SLC14A2: variants seen among roughly 807,000 people sequenced by gnomAD.
SLC14A2 encodes the protein urea transporter 2.
Under a neutral mutation model 104.6 loss-of-function variants are expected in SLC14A2, and 91 were observed. That is an observed-to-expected ratio of 0.87 (90% CI 0.73 to 1.04). The LOEUF (loss-of-function observed/expected upper bound fraction) is 1.04. Among genes scored for constraint, SLC14A2 ranks in the 50% least tolerant of loss-of-function variants. The pLI is 0.00. For synonymous variants in SLC14A2, 476 were observed against 466.4 expected (o/e 1.02, Z -0.27); for missense variants, 1,189 against 1,156.0 (o/e 1.03, Z -0.41).
chr18:45,403,986 A>G (rs2086125385), intron 1 of SLC14A2, among the ~76,000 whole-genome samples: 3 of 152,328 alleles, frequency 2.0e-5, no homozygotes, highest in South Asian at 4.1e-4. Context: ...TGCAGCTTTC[A>G]GAATACCTAA....
At chr18:45,190,504 A>T in the SLC14A2 span, among the ~76,000 whole-genome samples, 1 of 152,182 alleles carries the variant, frequency 6.6e-6, no homozygotes, top group African/African-American at 2.4e-5. Flanking sequence ...GATGTCCTAG[A>T]TGATGAGTGT....
At chr18:45,396,227 CTTAT>C (rs1352760788) in intron 1 of SLC14A2, among the ~76,000 whole-genome samples, 1 of 152,166 alleles carries the variant, frequency 6.6e-6, no homozygotes, top group African/African-American at 2.4e-5. Flanking sequence ...TATACTGAGA[CTTAT>C]TTGTCATCCA....
intron 2 of SLC14A2, among the ~76,000 whole-genome samples, chr18:45,607,605 AAGGTGTGACAAATTGCCCC>A (rs1454762834): frequency 8.5e-5 from 13 of 152,346 alleles, no homozygotes; most frequent in South Asian, 2.1e-4. Context: ...ATTATCTATC[AAGGTGTGACAAATTGCCCC>A]AGGTGTGACA....
intron 2 of SLC14A2, among the ~76,000 whole-genome samples, chr18:45,568,073 C>A (rs906289434): frequency 6.6e-6 from 1 of 152,174 alleles, no homozygotes; most frequent in Non-Finnish European, 1.5e-5. Context: ...CATGAAAGTG[C>A]CCAGCTCCCA....
At chr18:45,225,561 G>A (rs1188012475) in intron 1 of SLC14A2, among the ~76,000 whole-genome samples, 1 of 152,154 alleles carries the variant, frequency 6.6e-6, no homozygotes, top group Non-Finnish European at 1.5e-5. Flanking sequence ...GGATGGCATT[G>A]AATCTATAAA....
At chr18:45,434,567 C>G (rs1038220603) in intron 1 of SLC14A2, among the ~76,000 whole-genome samples, 4 of 152,130 alleles carry the variant, frequency 2.6e-5, no homozygotes, top group Non-Finnish European at 5.9e-5. Flanking sequence ...CTGCACAGAA[C>G]CAAGAGCAGG....
intron 9 of SLC14A2, 32 bp downstream of exon 9, chr18:45,643,213 A>G: frequency 6.3e-7 from 1 of 1,598,062 alleles, no homozygotes; most frequent in African/African-American, 1.3e-5. Flanking sequence ...CACTACCCCA[A>G]AGTGCTCTTC....
At chr18:45,477,639 C>CTATAAGTTTTAT (rs1598884517) in intron 1 of SLC14A2, among the ~76,000 whole-genome samples, 1 of 152,182 alleles carries the variant, frequency 6.6e-6, no homozygotes, top group East Asian at 1.9e-4. Flanking sequence ...TATCTATAAG[C>CTATAAGTTTTAT]CCATGACTGG....
chr18:45,555,012 G>A (rs1469288983), intron 2 of SLC14A2, among the ~76,000 whole-genome samples: 2 of 152,236 alleles, frequency 1.3e-5, no homozygotes, highest in Admixed American at 6.5e-5. Flanking sequence ...AACTGCAAAT[G>A]TACCTGTTGC....
intron 4 of SLC14A2, among the ~76,000 whole-genome samples, chr18:45,628,496 C>T (rs372827388): frequency 1.3e-5 from 2 of 151,842 alleles, no homozygotes; most frequent in Admixed American, 6.6e-5. Context: ...CCACTCCTCC[C>T]CCTTCCTCTC....
intron 2 of SLC14A2, among the ~76,000 whole-genome samples, chr18:45,504,653 T>C (rs2043253866): frequency 6.6e-6 from 1 of 152,220 alleles, no homozygotes; most frequent in Non-Finnish European, 1.5e-5. Flanking sequence ...CATAAAAATA[T>C]TTGAGTTACA....
In SLC14A2 at chr18:45,644,168, G is replaced by A; in HGVS notation, c.1351+8G>A. 1 of 1,613,838 alleles carries A rather than the reference G, an allele frequency of 6.2e-7. No homozygotes were observed. The highest frequency in any genetic ancestry group is 8.5e-7 in the Non-Finnish European group (1 of 1,179,746). ...AAGAGAAGGCCCCCAGCGGTGAATA[G>A]CCATGTTCGGGGAAGAAACGCTCTT... is the stretch of plus-strand genomic sequence containing the variant. On this transcript the variant is annotated splice_region_variant and intron_variant, in intron 10 of 19. Coordinates refer to ENST00000255226, the MANE Select transcript of SLC14A2 (RefSeq NM_007163.4).
chr18:45,169,664 C>A, the SLC14A2 span, among the ~76,000 whole-genome samples: 6 of 152,216 alleles, frequency 3.9e-5, no homozygotes, highest in Non-Finnish European at 5.9e-5. Flanking sequence ...CATACTTAAT[C>A]TGTAACCCTG....
chr18:45,234,144 C>A (rs572612723), intron 1 of SLC14A2, among the ~76,000 whole-genome samples: 9 of 151,988 alleles, frequency 5.9e-5, no homozygotes, highest in African/African-American at 2.2e-4. Flanking sequence ...CTTAACCTGC[C>A]CAGCACCAGA....
chr18:45,556,086 T>C (rs1421851269), intron 2 of SLC14A2, among the ~76,000 whole-genome samples: 1 of 152,172 alleles, frequency 6.6e-6, no homozygotes, highest in African/African-American at 2.4e-5. Context: ...GGCCCTCTTC[T>C]GGGTTGCAGA....
chr18:45,669,203 G>C, intron 15 of SLC14A2, 103 bp from the exon 16 acceptor site: 3 of 903,430 alleles, frequency 3.3e-6, no homozygotes, highest in Non-Finnish European at 5.1e-6. Flanking sequence ...TACCCAGCAG[G>C]CTGCTTTTCT....
intron 1 of SLC14A2, among the ~76,000 whole-genome samples, chr18:45,351,286 G>A (rs2085500926): frequency 6.6e-6 from 1 of 151,932 alleles, no homozygotes; most frequent in Admixed American, 6.6e-5. Flanking sequence ...ATCCTTCCTG[G>A]GTCTCCAACC....
At chr18:45,662,024 G>C (rs751143017) in intron 10 of SLC14A2, among the ~76,000 whole-genome samples, 12 of 152,180 alleles carry the variant, frequency 7.9e-5, no homozygotes, top group Non-Finnish European at 1.3e-4. Flanking sequence ...TATAGACAAG[G>C]CTGGGCGCTG....
At chr18:45,317,287 A>G (rs1251517001) in intron 1 of SLC14A2, among the ~76,000 whole-genome samples, 1 of 152,222 alleles carries the variant, frequency 6.6e-6, no homozygotes, top group African/African-American at 2.4e-5. Context: ...CACGCACATT[A>G]TATCATGACA....
Sources: allele counts gnomAD v4.1 joint callset (sites outside exome capture counted in the v4.1 genomes callset), GRCh38; gene constraint gnomAD v4.1.1; transcripts MANE v1.5; gene names NCBI Gene and HGNC (gene_info 2026-07-23, HGNC 2026-07-21).